NRG3: variants seen among roughly 807,000 people sequenced by gnomAD.
The protein encoded by NRG3 is pro-neuregulin-3, membrane-bound isoform.
Under a neutral mutation model 66.9 loss-of-function variants are expected in NRG3, and 31 were observed. The observed-to-expected ratio is 0.46, with a 90% CI of 0.35 to 0.63. The LOEUF is 0.63. NRG3 is among the 20% of genes least tolerant of loss of function. NRG3 has a pLI of 0.00. For missense variants in NRG3, 910 were observed against 878.9 expected (o/e 1.04, Z -0.45); for synonymous variants, 393 against 359.4 (o/e 1.09, Z -1.06).
At chr10:82,803,947 A>G (rs948476276) in intron 3 of NRG3, among the ~76,000 whole-genome samples, 1 of 152,146 alleles carries the variant, frequency 6.6e-6, no homozygotes, top group South Asian at 2.1e-4. Flanking sequence ...ATAAGTTTTA[A>G]ATTGTGTACT....
Position 82,898,715 on chromosome 10 carries a change from CTTTTTTTTT to C in NRG3, c.1054+33294_1054+33302del, listed in dbSNP as rs765058089. Among the ~76,000 whole-genome samples, 638 of 89,388 alleles carry C rather than the reference CTTTTTTTTT, an allele frequency of 7.1e-3. 5 individuals are homozygous for C. The highest frequency in any genetic ancestry group is 0.028 in the African/African-American group (608 of 21,674). The allele number at this position is 89,388 out of a possible 152,430, so 58.6% of individuals were successfully genotyped here. A position where few individuals can be genotyped will look rare whatever the true frequency, so the allele number is the denominator to read the frequency against. On this transcript the variant is annotated intron_variant, in intron 4 of 8. Coordinates refer to ENST00000372141, the MANE Select transcript of NRG3 (RefSeq NM_001010848.4). Reference sequence around the variant, plus strand: ...CTGAATAGAAGGCCAGGAGTTTTACCTTTTTTTTTTTTTTTTTTTTTTTTGAGACAGAGT... The same window carrying C: ...CTGAATAGAAGGCCAGGAGTTTTACCTTTTTTTTTTTTTTTGAGACAGAGT...
intron 1 of NRG3, among the ~76,000 whole-genome samples, chr10:82,321,358 A>G (rs1471333748): frequency 6.6e-6 from 1 of 151,662 alleles, no homozygotes; most frequent in African/African-American, 2.4e-5. Context: ...AATAATTATC[A>G]TTCTTTGAGT....
chr10:82,807,544 A>G (rs1425618254), intron 3 of NRG3, among the ~76,000 whole-genome samples: 1 of 152,220 alleles, frequency 6.6e-6, no homozygotes, highest in East Asian at 1.9e-4. Flanking sequence ...CCATAGGACT[A>G]CAATGTAATT....
At chr10:82,733,808 G>A (rs2644206) in intron 2 of NRG3, among the ~76,000 whole-genome samples, 89,920 of 151,992 alleles carry the variant, frequency 0.59, 26,939 homozygotes, top group Admixed American at 0.62. Context: ...TTACAACTGG[G>A]GGTTCAATTT....
intron 1 of NRG3, among the ~76,000 whole-genome samples, chr10:82,192,126 G>A (rs2074178876): frequency 6.6e-6 from 1 of 152,088 alleles, no homozygotes; most frequent in Admixed American, 6.6e-5. Flanking sequence ...TAAGAATTAA[G>A]GGGAAACGCC....
intron 1 of NRG3, among the ~76,000 whole-genome samples, chr10:82,228,755 G>C (rs1297630649): frequency 6.6e-6 from 1 of 152,178 alleles, no homozygotes; most frequent in African/African-American, 2.4e-5. Flanking sequence ...AATACTGGAA[G>C]AAAGGCTCCA....
chr10:82,641,442 T>G, intron 2 of NRG3, among the ~76,000 whole-genome samples: 1 of 152,178 alleles, frequency 6.6e-6, no homozygotes, highest in Non-Finnish European at 1.5e-5. Flanking sequence ...ATGCTATTTT[T>G]TCACTAAAAA....
intron 2 of NRG3, among the ~76,000 whole-genome samples, chr10:82,517,653 G>GTGTGTGTGTGTGCA (rs1845801237): frequency 7.9e-6 from 1 of 127,142 alleles, no homozygotes; most frequent in African/African-American, 3.7e-5. Context: ...GTTTGTGTGT[G>GTGTGTGTGTGTGCA]TGTGTGTGTG....
intron 1 of NRG3, among the ~76,000 whole-genome samples, chr10:82,123,494 A>G (rs2068224948): frequency 6.6e-6 from 1 of 152,162 alleles, no homozygotes; most frequent in African/African-American, 2.4e-5. Context: ...ACTGTTTGGC[A>G]AACTAGACAT....
chr10:82,817,072 GC>G (rs2061741721), intron 3 of NRG3, among the ~76,000 whole-genome samples: 1 of 152,190 alleles, frequency 6.6e-6, no homozygotes, highest in Non-Finnish European at 1.5e-5. Flanking sequence ...AAATGATCTT[GC>G]CTTTTCCACG....
chr10:82,509,701 T>A (rs1367812680), intron 2 of NRG3, among the ~76,000 whole-genome samples: 1 of 152,194 alleles, frequency 6.6e-6, no homozygotes, highest in Non-Finnish European at 1.5e-5. Flanking sequence ...TTTTTGTCAC[T>A]GATTTACATG....
chr10:81,898,274 C>A (rs1453047871), intron 1 of NRG3, among the ~76,000 whole-genome samples: 2 of 152,166 alleles, frequency 1.3e-5, no homozygotes, highest in Non-Finnish European at 2.9e-5. Context: ...CCAGCAAGAG[C>A]CTTTATTCAT....
intron 4 of NRG3, among the ~76,000 whole-genome samples, chr10:82,909,013 A>G (rs1845053445): frequency 6.7e-6 from 1 of 148,860 alleles, no homozygotes; most frequent in African/African-American, 2.5e-5. Flanking sequence ...GCTCCCGTGG[A>G]CCCCATTAGC....
intron 4 of NRG3, among the ~76,000 whole-genome samples, chr10:82,934,824 T>A (rs1847907691): frequency 6.6e-6 from 1 of 152,214 alleles, no homozygotes; most frequent in Admixed American, 6.5e-5. Flanking sequence ...TTGACTCAAA[T>A]CTTTCTGAAC....
chr10:82,542,664 A>G (rs2043620746), intron 2 of NRG3, among the ~76,000 whole-genome samples: 1 of 152,250 alleles, frequency 6.6e-6, no homozygotes, highest in African/African-American at 2.4e-5. Context: ...AACAGCTGAT[A>G]GAATAAAACA....
intron 1 of NRG3, among the ~76,000 whole-genome samples, chr10:82,112,904 T>A (rs2067475464): frequency 6.6e-6 from 1 of 152,176 alleles, no homozygotes; most frequent in Non-Finnish European, 1.5e-5. Context: ...TGGTTTCATG[T>A]GGCCATGCCT....
intron 2 of NRG3, among the ~76,000 whole-genome samples, chr10:82,648,749 T>C (rs1186804247): frequency 2.6e-5 from 4 of 152,150 alleles, no homozygotes; most frequent in Admixed American, 2.6e-4. Flanking sequence ...TTCCTAGGTA[T>C]TTTATTCTCT....
chr10:82,841,087 A>G (rs2063033215), intron 3 of NRG3, among the ~76,000 whole-genome samples: 2 of 152,180 alleles, frequency 1.3e-5, no homozygotes, highest in African/African-American at 4.8e-5. Flanking sequence ...GGACACACAG[A>G]GAAGAAGTTC....
intron 2 of NRG3, among the ~76,000 whole-genome samples, chr10:82,484,982 G>A (rs1250538668): frequency 6.6e-6 from 1 of 152,090 alleles, no homozygotes; most frequent in Non-Finnish European, 1.5e-5. Context: ...TAAAAGATTG[G>A]GAATAATGTC....
Sources: gnomAD v4.1 joint callset for allele counts (sites outside exome capture counted in the v4.1 genomes callset) on GRCh38, gnomAD v4.1.1 for gene constraint, MANE v1.5 for transcripts, NCBI Gene and HGNC (gene_info 2026-07-23, HGNC 2026-07-21) for gene names.